LIMD1: variants seen among roughly 807,000 people sequenced by gnomAD.
The protein encoded by LIMD1 is LIM domain-containing protein 1.
LIMD1 carries 23 observed loss-of-function variants against 58.4 expected under a neutral mutation model. That is an observed-to-expected ratio of 0.39 (90% CI 0.28 to 0.56). LIMD1 has a LOEUF of 0.56. Among genes scored for constraint, LIMD1 ranks in the 20% least tolerant of loss-of-function variants. LIMD1 has a pLI of 0.57. For missense variants in LIMD1, 838 were observed against 855.5 expected (o/e 0.98, Z 0.25); for synonymous variants, 334 against 345.5 (o/e 0.97, Z 0.37).
At chr3:45,631,544 G>A (rs975346325) in intron 1 of LIMD1, among the ~76,000 whole-genome samples, 38 of 152,222 alleles carry the variant, frequency 2.5e-4, no homozygotes, top group African/African-American at 8.9e-4. Context: ...TGTGCTAGGT[G>A]GTCACTGGTC....
At chr3:45,610,197 C>T (rs923702065) in intron 1 of LIMD1, among the ~76,000 whole-genome samples, 33 of 152,132 alleles carry the variant, frequency 2.2e-4, no homozygotes, top group African/African-American at 8.0e-4. Flanking sequence ...AAAAAAAAGA[C>T]TTCTCGAATG....
Position 45,598,159 on chromosome 3 carries a change from T to G in LIMD1, c.1408+1872T>G, listed in dbSNP as rs555143537. 5.9e-5 allele frequency among the ~76,000 whole-genome samples: 9 copies of G among 151,916 alleles called. No homozygotes were observed. The South Asian group carries it at 1.9e-3, about 32-fold the overall frequency. On this transcript the variant is annotated intron_variant, in intron 1 of 7. Coordinates refer to ENST00000273317, the MANE Select transcript of LIMD1 (RefSeq NM_014240.3). ...GGACGTGGAGGTGGGGGGTCCTCTC[T>G]AGGTTGCCCAGGCTGTTCTTCTGGG...
At chr3:45,643,877 G>A (rs752274792) in intron 2 of LIMD1, among the ~76,000 whole-genome samples, 1 of 152,150 alleles carries the variant, frequency 6.6e-6, no homozygotes, top group Non-Finnish European at 1.5e-5. Context: ...GAATTGCAGT[G>A]GTGTAACCTA....
Position 45,594,840 on chromosome 3 carries a change from CACACG to C in LIMD1, c.-39_-35del. On this transcript the variant is annotated 5_prime_UTR_variant, in exon 1 of 8. Coordinates refer to ENST00000273317, the MANE Select transcript of LIMD1 (RefSeq NM_014240.3). ...ACACACACACACACACACACACACA[CACACG>C]GCACCTGGGCTAGGCCCGGACACCT... The C allele has an allele frequency of 7.6e-7, 1 of 1,312,278 alleles. No homozygotes were observed. The highest frequency in any genetic ancestry group is 1.3e-5 in the South Asian group (1 of 75,560). The allele number at this position is 1,312,278 out of a possible 1,614,324, so 81.3% of individuals were successfully genotyped here.
At chr3:45,615,620 G>A (rs1701568541) in intron 1 of LIMD1, among the ~76,000 whole-genome samples, 2 of 152,042 alleles carry the variant, frequency 1.3e-5, no homozygotes, top group African/African-American at 2.4e-5. Context: ...GCCGGGCAAG[G>A]TGGTGCGTGC....
intron 4 of LIMD1, among the ~76,000 whole-genome samples, chr3:45,668,752 CAAA>C (rs36111259): frequency 7.0e-5 from 10 of 142,198 alleles, no homozygotes; most frequent in Non-Finnish European, 7.7e-5. Context: ...GACTCCACCT[CAAA>C]AAAAAAAAAA....
intron 1 of LIMD1, among the ~76,000 whole-genome samples, chr3:45,612,280 CG>C (rs1225193475): frequency 6.6e-6 from 1 of 152,014 alleles, no homozygotes; most frequent in Non-Finnish European, 1.5e-5. Context: ...GGCAGGGTCT[CG>C]CTGTCTTGCC....
At chr3:45,652,235 T>C (rs1701982186) in intron 2 of LIMD1, among the ~76,000 whole-genome samples, 1 of 152,218 alleles carries the variant, frequency 6.6e-6, no homozygotes, top group Non-Finnish European at 1.5e-5. Flanking sequence ...CCAGCCAATG[T>C]ATTGTTTATC....
In LIMD1 at chr3:45,672,854, G is replaced by T. The variant is rs766522369; in HGVS notation, c.1772+34G>T. 3 of 1,610,828 alleles carry T rather than the reference G, an allele frequency of 1.9e-6. No individual in the cohort carries two copies. In the South Asian group the frequency reaches 3.3e-5, roughly 18 times the overall value. On this transcript the variant is annotated intron_variant, in intron 5 of 7. Transcript: ENST00000273317. ...GGATGGGAGCAGACAGGACCCATTC[G>T]TGTAGGCCAAGCTGATCTCAGCAGA...
At chr3:45,646,971 A>G (rs967429533) in intron 2 of LIMD1, among the ~76,000 whole-genome samples, 4 of 152,136 alleles carry the variant, frequency 2.6e-5, no homozygotes, top group Admixed American at 2.0e-4. Context: ...CGGCCTCTAA[A>G]TCTTAGCCAG....
intron 2 of LIMD1, among the ~76,000 whole-genome samples, chr3:45,653,346 A>G (rs1363308765): frequency 1.3e-5 from 2 of 152,176 alleles, no homozygotes; most frequent in Non-Finnish European, 2.9e-5. Context: ...GATGCCTGGT[A>G]TGAGGTGCAC....
At chr3:45,666,720 A>G (rs183724364) in intron 3 of LIMD1, among the ~76,000 whole-genome samples, 4 of 152,218 alleles carry the variant, frequency 2.6e-5, no homozygotes, top group Non-Finnish European at 5.9e-5. Context: ...TCTCTCCTCC[A>G]TTGACTGAAA....
chr3:45,618,223 A>G (rs558118733), intron 1 of LIMD1, among the ~76,000 whole-genome samples: 1 of 152,104 alleles, frequency 6.6e-6, no homozygotes, highest in Non-Finnish European at 1.5e-5. Flanking sequence ...GGGAGCAGGG[A>G]GCTGTGAGAA....
chr3:45,647,351 A>G (rs1345986672), intron 2 of LIMD1, among the ~76,000 whole-genome samples: 3 of 152,174 alleles, frequency 2.0e-5, no homozygotes, highest in Non-Finnish European at 4.4e-5. Flanking sequence ...AACTCTTACC[A>G]TGGGAGCTCC....
At chr3:45,635,732 CAAAAAAA>C (rs71095045) in intron 1 of LIMD1, among the ~76,000 whole-genome samples, 149 of 73,788 alleles carry the variant, frequency 2.0e-3, no homozygotes, top group African/African-American at 4.8e-3. Flanking sequence ...ATCCCCGTCT[CAAAAAAA>C]AAAAAAAAAA....
chr3:45,647,554 C>T (rs771820441), intron 2 of LIMD1, among the ~76,000 whole-genome samples: 2 of 152,182 alleles, frequency 1.3e-5, no homozygotes, highest in Non-Finnish European at 2.9e-5. Context: ...AGCAGCCCTG[C>T]AATGGTCACC....
rs1697759110 is a variant in LIMD1, at chr3:45,682,658, A to G, written c.*5599A>G. ...GACAACTGAGACACAAAAGGGTGAA[A>G]TAAACAGTAAGTACTCCATCCCAGG... On this transcript the variant is annotated 3_prime_UTR_variant, in exon 8 of 8. Transcript: ENST00000273317. The G allele has an allele frequency of 2.0e-5, 3 of 152,280 alleles. No homozygotes were observed. The highest frequency in any genetic ancestry group is 2.0e-4 in the Admixed American group (3 of 15,294). The allele number at this position is 152,280 out of a possible 1,614,324, so 9.4% of individuals were successfully genotyped here.
intron 1 of LIMD1, among the ~76,000 whole-genome samples, chr3:45,619,055 T>C (rs1701604882): frequency 6.6e-6 from 1 of 152,246 alleles, no homozygotes; most frequent in Admixed American, 6.5e-5. Flanking sequence ...AAAACTATAC[T>C]CTCTAGAAAA....
At position 45,595,476 on chromosome 3, in the gene LIMD1, C is replaced by T. The variant is rs781403715; in HGVS notation, c.597C>T (p.Ser199=). ...GTGACAAACCAGGAGTGTCCCCCAG[C>T]ATCGGCCTGAGTGTAGGGAGTGGGT... ...KWGDKPGVSP[S]IGLSVGSGWP... Residue 199 remains serine (S), a synonymous_variant, in exon 1 of 8, where the codon AGC becomes AGT. Coordinates refer to ENST00000273317, the MANE Select transcript of LIMD1 (RefSeq NM_014240.3). 26 of 1,613,756 alleles carry T rather than the reference C, an allele frequency of 1.6e-5. No homozygotes were observed. The highest frequency in any genetic ancestry group is 1.9e-5 in the Non-Finnish European group (23 of 1,179,880).
Sources: gnomAD v4.1 joint callset for allele counts (sites outside exome capture counted in the v4.1 genomes callset) on GRCh38, gnomAD v4.1.1 for gene constraint, MANE v1.5 for transcripts, NCBI Gene and HGNC (gene_info 2026-07-23, HGNC 2026-07-21) for gene names.